ADCYAP1R1: variants seen among roughly 807,000 people sequenced by gnomAD.
ADCYAP1R1 encodes the protein ADCYAP receptor type I.
In ADCYAP1R1, 44 loss-of-function variants were observed where a neutral mutation model predicts 67.6. The ratio of observed to expected loss-of-function variants is 0.65; its 90% CI spans 0.51 to 0.84. The LOEUF is 0.84. ADCYAP1R1 is among the 40% of genes least tolerant of loss of function. ADCYAP1R1 has a pLI of 0.00. For synonymous variants in ADCYAP1R1, 222 were observed against 219.6 expected (o/e 1.01, Z -0.10); for missense variants, 477 against 587.9 (o/e 0.81, Z 1.95).
intron 3 of ADCYAP1R1, among the ~76,000 whole-genome samples, chr7:31,065,950 T>C (rs1259298585): frequency 6.6e-6 from 1 of 152,238 alleles, no homozygotes; most frequent in African/African-American, 2.4e-5. Context: ...CAGTTGCTTC[T>C]CAGTGAGCAT....
intron 3 of ADCYAP1R1, among the ~76,000 whole-genome samples, chr7:31,067,491 C>A (rs78861606): frequency 2.0e-5 from 3 of 151,360 alleles, no homozygotes; most frequent in Non-Finnish European, 4.4e-5. Flanking sequence ...TCTGTGCCAG[C>A]ACTTCATTCT....
chr7:31,094,696 A>C (rs751851355), intron 13 of ADCYAP1R1, among the ~76,000 whole-genome samples: 1 of 152,090 alleles, frequency 6.6e-6, no homozygotes, highest in Non-Finnish European at 1.5e-5. Context: ...GGTGGGAAAG[A>C]AGTGCCCGCC....
intron 1 of ADCYAP1R1, among the ~76,000 whole-genome samples, chr7:31,053,093 C>T (rs1164146055): frequency 3.3e-5 from 5 of 152,198 alleles, no homozygotes; most frequent in Admixed American, 2.0e-4. Flanking sequence ...GACGGACGCA[C>T]CTACGCGGAT....
chr7:31,074,895 T>C (rs1272692232), intron 3 of ADCYAP1R1, among the ~76,000 whole-genome samples: 1 of 152,252 alleles, frequency 6.6e-6, no homozygotes, highest in Non-Finnish European at 1.5e-5. Flanking sequence ...TCCCAAACTC[T>C]GTCTTTCCAT....
chr7:31,063,351 G>A, intron 2 of ADCYAP1R1, 36 bp downstream of exon 2: 1 of 1,612,178 alleles, frequency 6.2e-7, no homozygotes. Flanking sequence ...GGAGCCCCAG[G>A]CTCACCTGAG....
At chr7:31,056,420 A>C (rs1282068374) in intron 1 of ADCYAP1R1, among the ~76,000 whole-genome samples, 1 of 152,040 alleles carries the variant, frequency 6.6e-6, no homozygotes, top group South Asian at 2.1e-4. Context: ...GCACCTCTGA[A>C]CTTCCCAGCT....
chr7:31,080,697 C>G, intron 5 of ADCYAP1R1, 64 bp downstream of exon 5: 3 of 1,545,312 alleles, frequency 1.9e-6, no homozygotes, highest in Non-Finnish European at 2.7e-6. Context: ...AGCCCAGCCT[C>G]AGGAGATCCC....
At chr7:31,106,384 G>C (rs9784952) in intron 15 of ADCYAP1R1, 112 bp from the exon 16 acceptor site, 106,871 of 1,286,068 alleles carry the variant, frequency 0.083, 5,783 homozygotes, top group African/African-American at 0.21. Flanking sequence ...GGGGAGTGGG[G>C]AGGGTGCTGA....
intron 1 of ADCYAP1R1, among the ~76,000 whole-genome samples, chr7:31,059,175 A>G (rs1433639827): frequency 6.6e-6 from 1 of 152,184 alleles, no homozygotes; most frequent in African/African-American, 2.4e-5. Context: ...AATAGTTAAC[A>G]CATGTATAGC....
intron 3 of ADCYAP1R1, among the ~76,000 whole-genome samples, chr7:31,071,575 TCCTGGCTGCTGTGTCCCTTG>T: frequency 6.6e-6 from 1 of 152,326 alleles, no homozygotes; most frequent in South Asian, 2.1e-4. Context: ...AAACATGTTT[TCCTGGCTGCTGTGTCCCTTG>T]CCTGTCCTGG....
chr7:31,061,107 C>T (rs1794482951), intron 1 of ADCYAP1R1, among the ~76,000 whole-genome samples: 1 of 152,234 alleles, frequency 6.6e-6, no homozygotes, highest in South Asian at 2.1e-4. Context: ...GTGCTGCTGC[C>T]ACCTCAACGT....
intron 13 of ADCYAP1R1, among the ~76,000 whole-genome samples, chr7:31,096,520 A>G (rs1196010561): frequency 6.6e-6 from 1 of 152,116 alleles, no homozygotes; most frequent in Non-Finnish European, 1.5e-5. Flanking sequence ...AGACAGAGAA[A>G]CTGAGGCCCA....
At chr7:31,094,055 C>T (rs1317881489) in intron 13 of ADCYAP1R1, among the ~76,000 whole-genome samples, 2 of 152,156 alleles carry the variant, frequency 1.3e-5, no homozygotes, top group East Asian at 3.9e-4. Flanking sequence ...GGGGGACTAG[C>T]ACAGGGCCTG....
In ADCYAP1R1 at chr7:31,056,557, C is replaced by T. The variant is rs543909702; in HGVS notation, c.-72+3879C>T. ...GGTGGGGGTGGGCCAAGGAGACACA[C>T]CTCTCTCATTTTTCCGTGTCTCTGG... is the stretch of plus-strand genomic sequence containing the variant. On this transcript the variant is annotated intron_variant, in intron 1 of 15. Transcript: ENST00000304166. 1.9e-4 allele frequency among the ~76,000 whole-genome samples: 29 copies of T among 152,076 alleles called. No individual in the cohort carries two copies. The South Asian group carries it at 3.1e-3, about 16-fold the overall frequency.
Position 31,103,232 on chromosome 7 carries a change from G to T in ADCYAP1R1, c.1047-5G>T, listed in dbSNP as rs760991128. The T allele has an allele frequency of 6.2e-7, 1 of 1,613,804 alleles. No individual in the cohort carries two copies. The highest frequency in any genetic ancestry group is 8.5e-7 in the Non-Finnish European group (1 of 1,179,848). On this transcript the variant is annotated splice_polypyrimidine_tract_variant and splice_region_variant and intron_variant, in intron 13 of 15. Coordinates refer to ENST00000304166, the MANE Select transcript of ADCYAP1R1 (RefSeq NM_001118.5). ...CAGAGCAGATGTTTTGCTTTCCTCC[G>T]ACAGGCGACTGGCCCGGTCCACCCT...
In ADCYAP1R1 at chr7:31,086,639, C is replaced by T. The variant is rs1795755464; in HGVS notation, c.823+102C>T. The T allele has an allele frequency of 1.4e-6, 2 of 1,395,232 alleles. No individual in the cohort carries two copies. Among genetic ancestry groups the T allele is most frequent in the Non-Finnish European group, 2.0e-6 (2 of 1,008,824 alleles). 86.4% of individuals were successfully genotyped at this position (1,395,232 alleles called of 1,614,324 possible). On this transcript the variant is annotated intron_variant, in intron 10 of 15. Coordinates refer to ENST00000304166, the MANE Select transcript of ADCYAP1R1 (RefSeq NM_001118.5). This position sits in a 1 kb window ranked among gnomAD's most constrained non-coding sequence, Gnocchi z 5.0. ...TCAGGAAGTGTCAGGTGAGGAGGGG[C>T]CACTGCCCTGCCCGAGTCTAATGGC...
intron 12 of ADCYAP1R1, among the ~76,000 whole-genome samples, chr7:31,089,423 G>GTTT (rs34984750): frequency 2.4e-5 from 3 of 127,528 alleles, no homozygotes; most frequent in East Asian, 2.3e-4. Context: ...GCTTGTTTCA[G>GTTT]TTTTTTTTTT....
At chr7:31,066,668 C>G (rs900756979) in intron 3 of ADCYAP1R1, among the ~76,000 whole-genome samples, 7 of 152,168 alleles carry the variant, frequency 4.6e-5, no homozygotes, top group South Asian at 4.1e-4. Flanking sequence ...CAGCCACAAT[C>G]CAAACCAATT....
At chr7:31,067,080 G>T (rs1794767904) in intron 3 of ADCYAP1R1, among the ~76,000 whole-genome samples, 1 of 152,208 alleles carries the variant, frequency 6.6e-6, no homozygotes. Flanking sequence ...GGCTCCACTT[G>T]TGCCCTCTCA....
Sources: allele counts gnomAD v4.1 joint callset (sites outside exome capture counted in the v4.1 genomes callset), GRCh38; gene constraint gnomAD v4.1.1; non-coding constraint Gnocchi (gnomAD v3.1); transcripts MANE v1.5; gene names NCBI Gene and HGNC (gene_info 2026-07-23, HGNC 2026-07-21).